STXBP5: variants seen among roughly 807,000 people sequenced by gnomAD.
STXBP5 encodes the protein syntaxin binding protein 5.
A neutral mutation model predicts 152.4 loss-of-function variants in STXBP5; 50 were observed. The ratio of observed to expected loss-of-function variants is 0.33; its 90% CI spans 0.26 to 0.42. The LOEUF (loss-of-function observed/expected upper bound fraction) is 0.42. Ranked by LOEUF, STXBP5 falls within the 10% of genes least tolerant of loss-of-function variation. STXBP5 has a pLI of 1.00. For missense variants in STXBP5, 1,167 were observed against 1,388.6 expected, an observed-to-expected ratio of 0.84 and a Z score of 2.54; for synonymous variants, 492 against 494.7, an observed-to-expected ratio of 0.99 and a Z score of 0.07.
At chr6:147,233,955 A>G (rs1223088049) in intron 2 of STXBP5, among the ~76,000 whole-genome samples, 1 of 150,990 alleles carries the variant, frequency 6.6e-6, no homozygotes, top group Admixed American at 6.6e-5. Flanking sequence ...AACATACTCA[A>G]CCTGTTAATT....
chr6:147,244,181 A>G (rs1778686451), intron 4 of STXBP5, among the ~76,000 whole-genome samples: 1 of 152,232 alleles, frequency 6.6e-6, no homozygotes, highest in Admixed American at 6.5e-5. Flanking sequence ...TGCATAGGCT[A>G]TATGCAAATA....
At chr6:147,350,248 T>G (rs1478749834) in intron 21 of STXBP5, among the ~76,000 whole-genome samples, 1 of 152,058 alleles carries the variant, frequency 6.6e-6, no homozygotes, top group Non-Finnish European at 1.5e-5. Context: ...AGAAAAAAAC[T>G]TTTATTCTAT....
intron 21 of STXBP5, among the ~76,000 whole-genome samples, chr6:147,349,599 T>C (rs1192002918): frequency 1.3e-5 from 2 of 152,208 alleles, no homozygotes; most frequent in Non-Finnish European, 2.9e-5. Context: ...TCCCATGGTC[T>C]TAGATAAGTG....
chr6:147,259,019 T>C (rs1779516855), intron 4 of STXBP5, among the ~76,000 whole-genome samples: 1 of 152,108 alleles, frequency 6.6e-6, no homozygotes, highest in African/African-American at 2.4e-5. Context: ...TTTTCTCTCT[T>C]CTCAGTTTAC....
chr6:147,308,518 T>G (rs1405240287), intron 9 of STXBP5, among the ~76,000 whole-genome samples: 1 of 152,186 alleles, frequency 6.6e-6, no homozygotes, highest in East Asian at 1.9e-4. Context: ...TTCCAGGCAC[T>G]GTTGTGGATG....
chr6:147,233,005 G>C (rs561200264), intron 2 of STXBP5, among the ~76,000 whole-genome samples: 53 of 151,924 alleles, frequency 3.5e-4, no homozygotes, highest in African/African-American at 1.2e-3. Context: ...GCTCAAATTA[G>C]TAGACCTGTT....
chr6:147,290,062 A>G (rs990501511), intron 8 of STXBP5, among the ~76,000 whole-genome samples: 2 of 152,102 alleles, frequency 1.3e-5, no homozygotes, highest in Non-Finnish European at 2.9e-5. Context: ...TTAAAAATGT[A>G]TCCAGACATG....
intron 4 of STXBP5, among the ~76,000 whole-genome samples, chr6:147,248,929 G>A (rs1778953961): frequency 6.6e-6 from 1 of 152,134 alleles, no homozygotes; most frequent in Non-Finnish European, 1.5e-5. Context: ...ATTGTTTCTT[G>A]CTGGCTTCGA....
chr6:147,259,741 G>T (rs538986405), intron 4 of STXBP5, among the ~76,000 whole-genome samples: 1 of 150,986 alleles, frequency 6.6e-6, no homozygotes, highest in Non-Finnish European at 1.5e-5. Flanking sequence ...GGGGGGGTCT[G>T]TAGGAAAAAA....
intron 21 of STXBP5, among the ~76,000 whole-genome samples, chr6:147,339,941 G>T (rs1158402712): frequency 6.6e-6 from 1 of 151,864 alleles, no homozygotes; most frequent in Non-Finnish European, 1.5e-5. Flanking sequence ...GAGATGAATT[G>T]CTCAGTCCAA....
At chr6:147,365,097 G>A (rs1274551392) in intron 25 of STXBP5, among the ~76,000 whole-genome samples, 6 of 151,938 alleles carry the variant, frequency 3.9e-5, no homozygotes, top group Non-Finnish European at 5.9e-5. Flanking sequence ...AGTGCCCCTG[G>A]TACAGAGGGT....
intron 9 of STXBP5, among the ~76,000 whole-genome samples, chr6:147,307,384 A>G (rs562982400): frequency 6.6e-6 from 1 of 152,200 alleles, no homozygotes; most frequent in Non-Finnish European, 1.5e-5. Flanking sequence ...ATTTTAAAAG[A>G]ATATTAATAT....
rs144234757 is a variant in STXBP5 at position 147,333,764 on chromosome 6, T to C, written c.2081-393T>C. 5.1e-4 allele frequency among the ~76,000 whole-genome samples: 78 copies of C among 152,330 alleles called. No individual in the cohort carries two copies. In the East Asian group the frequency reaches 0.013, roughly 26 times the overall value. On this transcript the variant is annotated intron_variant, in intron 18 of 27. Transcript: ENST00000321680. ...CATACACATCCTGTTCATCCATCGA[T>C]GTGACACCTGACTTCTGAGGCTTGG...
At chr6:147,361,460 G>A (rs911899591) in intron 23 of STXBP5, among the ~76,000 whole-genome samples, 1 of 152,092 alleles carries the variant, frequency 6.6e-6, no homozygotes, top group Non-Finnish European at 1.5e-5. Context: ...TTTTTAATAA[G>A]ATGCCTATTT....
intron 9 of STXBP5, among the ~76,000 whole-genome samples, chr6:147,305,757 A>G (rs1221496447): frequency 6.6e-6 from 1 of 152,166 alleles, no homozygotes; most frequent in African/African-American, 2.4e-5. Context: ...ATGTCTCTGG[A>G]CTTCCTGCTA....
At position 147,384,888 on chromosome 6, in the gene STXBP5, C is replaced by A; in HGVS notation, c.*133C>A. The A allele has an allele frequency of 1.1e-6, 1 of 886,016 alleles. No individual in the cohort carries two copies. Among genetic ancestry groups the A allele is most frequent in the Non-Finnish European group, 1.8e-6 (1 of 556,188 alleles). The allele number at this position is 886,016 out of a possible 1,614,324, so 54.9% of individuals were successfully genotyped here. A position where few individuals can be genotyped will look rare whatever the true frequency, so the allele number is the denominator to read the frequency against. ...TGTTCTTTCCTAGCACAGTCATGCA[C>A]TGTTTTACCTCAGTCATGTGGCTTT... On this transcript the variant is annotated 3_prime_UTR_variant, in exon 28 of 28. Coordinates refer to ENST00000321680, the MANE Select transcript of STXBP5 (RefSeq NM_001127715.4).
At chr6:147,300,416 C>T (rs1481497969) in intron 9 of STXBP5, among the ~76,000 whole-genome samples, 2 of 151,944 alleles carry the variant, frequency 1.3e-5, no homozygotes, top group African/African-American at 2.4e-5. Flanking sequence ...AAATATGCTA[C>T]AAAACTGTGG....
intron 8 of STXBP5, among the ~76,000 whole-genome samples, chr6:147,279,632 G>A (rs186996254): frequency 5.1e-4 from 77 of 152,152 alleles, no homozygotes; most frequent in African/African-American, 1.8e-3. Flanking sequence ...CATCTTCTGG[G>A]AAAGCACTTA....
In STXBP5 at chr6:147,325,069, A is replaced by G. The variant is rs748100751; in HGVS notation, c.1913A>G (p.Asn638Ser). 1.5e-5 allele frequency: 23 copies of G among 1,561,948 alleles called. No individual in the cohort carries two copies. The highest frequency in any genetic ancestry group is 9.1e-5 in the Admixed American group (5 of 55,186). ...CAACAAATAACCAGCCTGGCAGTCA[A>G]TTCTTCCTATGGACTGTAAGTATAA... The part of the protein sequence containing the change: ...PPQQITSLAV[N>S]SSYGLVVFGN... The change falls in exon 17 of 28, where the codon AAT (asparagine) becomes AGT (serine). Residue 638 changes from asparagine (N) to serine (S), a missense_variant. Transcript: ENST00000321680.
Sources: allele counts gnomAD v4.1 joint callset (sites outside exome capture counted in the v4.1 genomes callset), GRCh38; gene constraint gnomAD v4.1.1; transcripts MANE v1.5; gene names NCBI Gene and HGNC (gene_info 2026-07-23, HGNC 2026-07-21).